The following ATP8A2 variants were observed in gnomAD, a reference collection of about 807,000 sequenced individuals.
The protein encoded by ATP8A2 is ATPase phospholipid transporting 8A2.
A neutral mutation model predicts 165.6 loss-of-function variants in ATP8A2; 100 were observed. That is an observed-to-expected ratio of 0.60 (90% CI 0.51 to 0.71). The LOEUF (loss-of-function observed/expected upper bound fraction) is 0.71, where lower values mean the gene tolerates loss of function less well. ATP8A2 is among the 30% of genes least tolerant of loss of function. The pLI, the probability that ATP8A2 is intolerant of heterozygous loss-of-function variation, is 0.00. For missense variants in ATP8A2, 1,227 were observed against 1,479.5 expected (o/e 0.83, Z 2.80); for synonymous variants, 543 against 548.8 (o/e 0.99, Z 0.15).
intron 33 of ATP8A2, among the ~76,000 whole-genome samples, chr13:25,893,573 G>C (rs1953445027): frequency 6.7e-6 from 1 of 149,624 alleles, no homozygotes; most frequent in Admixed American, 6.7e-5. Flanking sequence ...CCCAGTAATG[G>C]GATGGCTGGG....
intron 24 of ATP8A2, among the ~76,000 whole-genome samples, chr13:25,679,308 T>C (rs1382626139): frequency 3.9e-5 from 6 of 152,146 alleles, no homozygotes; most frequent in African/African-American, 1.4e-4. Context: ...ATTCTGGTTG[T>C]AAGCACAGTG....
At chr13:25,469,634 G>T (rs936625020) in intron 2 of ATP8A2, among the ~76,000 whole-genome samples, 3 of 152,140 alleles carry the variant, frequency 2.0e-5, no homozygotes, top group Admixed American at 6.5e-5. Flanking sequence ...GCAGAAAGAT[G>T]GACAGAAGCT....
rs1956870315 is a variant in ATP8A2, at chr13:26,012,512, G to A, written c.3378-19G>A. The A allele has an allele frequency of 2.0e-6, 3 of 1,536,872 alleles. No homozygotes were observed. The highest frequency in any genetic ancestry group is 1.4e-5 in the African/African-American group (1 of 72,028). On this transcript the variant is annotated intron_variant, in intron 35 of 36. Coordinates refer to ENST00000381655, the MANE Select transcript of ATP8A2 (RefSeq NM_016529.6). ...AGTGTTCAGGTGACAAGAGACTGAC[G>A]CGCTTGCTTTATCCGCAGGCTGAAC...
intron 27 of ATP8A2, among the ~76,000 whole-genome samples, chr13:25,782,410 A>T (rs80303948): frequency 0.02 from 2,999 of 152,350 alleles, 47 homozygotes; most frequent in Middle Eastern, 0.044. Flanking sequence ...AGCTTTAATA[A>T]GTGTTGACCA....
At chr13:25,883,442 A>G (rs975037648) in intron 33 of ATP8A2, among the ~76,000 whole-genome samples, 1 of 152,132 alleles carries the variant, frequency 6.6e-6, no homozygotes, top group Non-Finnish European at 1.5e-5. Context: ...AAAGGAGAAA[A>G]TACTTGTGTT....
chr13:25,578,974 G>A, intron 21 of ATP8A2, 75 bp downstream of exon 21: 1 of 1,030,110 alleles, frequency 9.7e-7, no homozygotes. Flanking sequence ...ATTTCCAGGG[G>A]CACATTCTTC....
intron 24 of ATP8A2, among the ~76,000 whole-genome samples, chr13:25,689,959 A>G (rs1173822730): frequency 6.6e-6 from 1 of 152,236 alleles, no homozygotes; most frequent in Non-Finnish European, 1.5e-5. Flanking sequence ...TTCTTAAAAC[A>G]TATACATTAT....
At chr13:25,827,403 C>T (rs941039027) in intron 27 of ATP8A2, among the ~76,000 whole-genome samples, 12 of 152,208 alleles carry the variant, frequency 7.9e-5, no homozygotes, top group South Asian at 2.1e-4. Context: ...TGAGCCACCA[C>T]GCCCGGTCTC....
At chr13:25,481,874 T>TA (rs1176095969) in intron 2 of ATP8A2, among the ~76,000 whole-genome samples, 33 of 152,178 alleles carry the variant, frequency 2.2e-4, no homozygotes, top group Non-Finnish European at 1.5e-4. Flanking sequence ...AATCCCATCT[T>TA]GAGGGTCCCA....
chr13:25,520,180 C>G (rs919958795), intron 2 of ATP8A2, among the ~76,000 whole-genome samples: 3 of 152,176 alleles, frequency 2.0e-5, no homozygotes, highest in Non-Finnish European at 4.4e-5. Context: ...CTCCGTGCTA[C>G]CCCTCCTAGC....
intron 1 of ATP8A2, among the ~76,000 whole-genome samples, chr13:25,399,572 T>TA (rs2033557864): frequency 1.2e-5 from 1 of 86,092 alleles, no homozygotes; most frequent in African/African-American, 3.7e-5. Flanking sequence ...CTAATTTTTT[T>TA]TTTGTATTTT....
At chr13:25,495,437 TCCTA>T (rs756495695) in intron 2 of ATP8A2, among the ~76,000 whole-genome samples, 1 of 151,962 alleles carries the variant, frequency 6.6e-6, no homozygotes, top group Non-Finnish European at 1.5e-5. Flanking sequence ...TGCTCTCTCT[TCCTA>T]CCTATTTGGT....
intron 33 of ATP8A2, among the ~76,000 whole-genome samples, chr13:25,913,259 G>C (rs1318755225): frequency 6.6e-6 from 1 of 152,106 alleles, no homozygotes; most frequent in Non-Finnish European, 1.5e-5. Context: ...TGCGTTGGCA[G>C]TTCATTCCTA....
rs1951632343 is a variant in ATP8A2 at position 25,837,078 on chromosome 13, G to A, written c.2755-85G>A. 5.2e-6 allele frequency: 8 copies of A among 1,533,722 alleles called. No homozygotes were observed. In the South Asian group the frequency reaches 9.8e-5, roughly 19 times the overall value. On this transcript the variant is annotated intron_variant, in intron 28 of 36. Coordinates refer to ENST00000381655, the MANE Select transcript of ATP8A2 (RefSeq NM_016529.6). The stretch of plus-strand genomic sequence containing the variant: ...GTCTCAGGTTTGGACTTGACTGGAA[G>A]TGAAGTCATCATTTGGTAGAAGGGA...
intron 24 of ATP8A2, among the ~76,000 whole-genome samples, chr13:25,653,254 T>C (rs1394893281): frequency 6.6e-6 from 1 of 152,204 alleles, no homozygotes; most frequent in African/African-American, 2.4e-5. Flanking sequence ...ATATACACCA[T>C]GGGATACTAT....
At chr13:25,700,932 T>G (rs189829013) in intron 25 of ATP8A2, among the ~76,000 whole-genome samples, 2 of 152,328 alleles carry the variant, frequency 1.3e-5, no homozygotes, top group South Asian at 2.1e-4. Context: ...TGGTTTGAAT[T>G]TTTCTGTTGA....
At chr13:25,897,682 T>C (rs1953601831) in intron 33 of ATP8A2, among the ~76,000 whole-genome samples, 1 of 152,222 alleles carries the variant, frequency 6.6e-6, no homozygotes. Context: ...CAATTAGACA[T>C]AGATTTGGTC....
At chr13:26,013,628 C>T (rs1368160478) in intron 36 of ATP8A2, among the ~76,000 whole-genome samples, 1 of 150,906 alleles carries the variant, frequency 6.6e-6, no homozygotes, top group African/African-American at 2.4e-5. Flanking sequence ...GAGCCGAGGT[C>T]ATGCCATTGC....
At chr13:25,906,312 T>C (rs1247950964) in intron 33 of ATP8A2, among the ~76,000 whole-genome samples, 1 of 141,448 alleles carries the variant, frequency 7.1e-6, no homozygotes. Flanking sequence ...CTGTCTTCAA[T>C]CTCTTCTTTT....
Sources: allele counts gnomAD v4.1 joint callset (sites outside exome capture counted in the v4.1 genomes callset), GRCh38; gene constraint gnomAD v4.1.1; transcripts MANE v1.5; gene names NCBI Gene and HGNC (gene_info 2026-07-23, HGNC 2026-07-21).